Variants in CABP7 observed in about 807,000 individuals in gnomAD.
The protein encoded by CABP7 is calcium binding protein 7.
CABP7 carries 13 observed loss-of-function variants against 23.1 expected under a neutral mutation model. That is an observed-to-expected ratio of 0.56 (90% CI 0.37 to 0.90). The LOEUF (loss-of-function observed/expected upper bound fraction) is 0.90. CABP7 is among the 40% of genes least tolerant of loss of function. The pLI, the probability that CABP7 is intolerant of heterozygous loss-of-function variation, is 0.01. For missense variants in CABP7, 248 were observed against 295.6 expected, an observed-to-expected ratio of 0.84 and a Z score of 1.18; for synonymous variants, 123 against 115.3, an observed-to-expected ratio of 1.07 and a Z score of -0.43.
chr22:29,729,268 C>A (rs181281994), intron 4 of CABP7, 60 bp downstream of exon 4: 2 of 1,551,486 alleles, frequency 1.3e-6, no homozygotes, highest in Admixed American at 3.6e-5. Context: ...GGGGGACGCA[C>A]GGGGTGGGGA....
chr22:29,727,409 G>A lies in CABP7; in HGVS notation c.110-253G>A, dbSNP rs2067803631. ...ACACCAGGAGAGGCTGTGAGAGCCT[G>A]GCGCAATCAGATCCCAAGAGGTCAC... is the stretch of plus-strand genomic sequence containing the variant. On this transcript the variant is annotated intron_variant, in intron 1 of 4. Coordinates refer to ENST00000216144, the MANE Select transcript of CABP7 (RefSeq NM_182527.3). This position sits in a 1 kb window ranked among gnomAD's most constrained non-coding sequence, Gnocchi z 4.2. Among the ~76,000 whole-genome samples, 1 of 152,238 alleles carries A rather than the reference G, an allele frequency of 6.6e-6. No individual in the cohort carries two copies. Among genetic ancestry groups the A allele is most frequent in the African/African-American group, 2.4e-5 (1 of 41,456 alleles).
At position 29,720,342 on chromosome 22, in the gene CABP7, TC is replaced by T. The variant is rs2067750260; in HGVS notation, c.-81del. 3 of 689,280 alleles carry T rather than the reference TC, an allele frequency of 4.4e-6. No homozygotes were observed. The highest frequency in any genetic ancestry group is 4.6e-5 in the South Asian group (1 of 21,780). 42.7% of individuals were successfully genotyped at this position (689,280 alleles called of 1,614,324 possible). On this transcript the variant is annotated 5_prime_UTR_variant, in exon 1 of 5. Transcript: ENST00000216144. The surrounding 1 kb of genome is among the most constrained non-coding windows in gnomAD (Gnocchi z 5.2). ...CTCCGCAGCCGCGCGCCCCGCCCGC[TC>T]CAGCCGCCCCCGGGGCCGCCACCGG...
intron 1 of CABP7, among the ~76,000 whole-genome samples, chr22:29,724,035 A>C (rs538287316): frequency 2.0e-5 from 3 of 152,342 alleles, no homozygotes; most frequent in African/African-American, 7.2e-5. Flanking sequence ...TCCTCATGCC[A>C]AGATGGTACC....
At chr22:29,729,386 T>G in intron 4 of CABP7, 56 bp from the exon 5 acceptor site, 2 of 1,596,800 alleles carry the variant, frequency 1.3e-6, no homozygotes, top group African/African-American at 2.7e-5. Context: ...GGCTCCTGAC[T>G]CCATCGCTTT....
intron 2 of CABP7, 137 bp from the exon 3 acceptor site, chr22:29,728,493 G>A (rs1165347125): frequency 1.7e-6 from 1 of 595,180 alleles, no homozygotes; most frequent in Non-Finnish European, 3.0e-6. Context: ...CTGACTCAAG[G>A]CTCAGAGAAG....
At chr22:29,725,908 C>A (rs1379137174) in intron 1 of CABP7, among the ~76,000 whole-genome samples, 3 of 152,142 alleles carry the variant, frequency 2.0e-5, no homozygotes, top group Admixed American at 2.0e-4. Flanking sequence ...CCAGCTCTAC[C>A]TAGAGGCTCT....
intron 3 of CABP7, 68 bp downstream of exon 3, chr22:29,728,810 G>A (rs2067814622): frequency 1.6e-6 from 2 of 1,233,498 alleles, no homozygotes; most frequent in African/African-American, 1.5e-5. Flanking sequence ...GCCAGTGAAT[G>A]GCTGGGCCCA....
chr22:29,730,194 A>T lies in CABP7; in HGVS notation c.*625A>T, dbSNP rs2067829207. ...TGTACCTGCTGGGCCAGCCCATTTC[A>T]CAGGTGAGGAACCCGAGGCTCAGGG... On this transcript the variant is annotated 3_prime_UTR_variant, in exon 5 of 5. Coordinates refer to ENST00000216144, the MANE Select transcript of CABP7 (RefSeq NM_182527.3). 1 of 152,574 alleles carries T rather than the reference A, an allele frequency of 6.6e-6. No homozygotes were observed. Among genetic ancestry groups the T allele is most frequent in the African/African-American group, 2.4e-5 (1 of 41,342 alleles). The allele number at this position is 152,574 out of a possible 1,614,324, so 9.5% of individuals were successfully genotyped here. A position where few individuals can be genotyped will look rare whatever the true frequency, so the allele number is the denominator to read the frequency against.
At chr22:29,728,444 G>A (rs1052796705) in intron 2 of CABP7, among the ~76,000 whole-genome samples, 186 bp from the exon 3 acceptor site, 13 of 152,180 alleles carry the variant, frequency 8.5e-5, no homozygotes, top group South Asian at 2.1e-4. Context: ...TGGCTTCAGC[G>A]TCAGCCCAGA....
At chr22:29,725,538 C>G (rs1362294047) in intron 1 of CABP7, among the ~76,000 whole-genome samples, 1 of 152,176 alleles carries the variant, frequency 6.6e-6, no homozygotes, top group Admixed American at 6.5e-5. Flanking sequence ...GCTGTCATGG[C>G]CCTTGTAGTG....
Position 29,727,610 on chromosome 22 carries a change from G to A in CABP7, c.110-52G>A. The A allele has an allele frequency of 1.2e-6, 2 of 1,608,560 alleles. No individual in the cohort carries two copies. The highest frequency in any genetic ancestry group is 1.7e-6 in the Non-Finnish European group (2 of 1,176,650). ...CGGTGATCCTGGGGGTCTGGAAAGGGGGTCTGTTGGGGACCGGGGTGAAGT... is the reference window on the plus strand; with the variant it reads ...CGGTGATCCTGGGGGTCTGGAAAGGAGGTCTGTTGGGGACCGGGGTGAAGT... On this transcript the variant is annotated intron_variant, in intron 1 of 4. Transcript: ENST00000216144. This position sits in a 1 kb window ranked among gnomAD's most constrained non-coding sequence, Gnocchi z 4.2.
In CABP7 at chr22:29,720,405, G is replaced by A. The variant is rs1006856463; in HGVS notation, c.-20G>A. On this transcript the variant is annotated 5_prime_UTR_variant, in exon 1 of 5. Coordinates refer to ENST00000216144, the MANE Select transcript of CABP7 (RefSeq NM_182527.3). This position sits in a 1 kb window ranked among gnomAD's most constrained non-coding sequence, Gnocchi z 5.2. ...CGGCCTCAAAGTTTGCGGCGGGCGG[G>A]CGGGCGCGGAGCCTCCAAGATGCCG... 2.7e-6 allele frequency: 4 copies of A among 1,462,836 alleles called. No individual in the cohort carries two copies. The highest frequency in any genetic ancestry group is 3.6e-6 in the Non-Finnish European group (4 of 1,101,264). 90.6% of individuals were successfully genotyped at this position (1,462,836 alleles called of 1,614,324 possible).
Position 29,727,881 on chromosome 22 carries a change from T to G in CABP7, c.253+76T>G. ...GTGGGGCAGGGGCTGGGGCCTGAGC[T>G]GCTGAGGCTGCATCCAAATTGGGTC... On this transcript the variant is annotated intron_variant, in intron 2 of 4. Transcript: ENST00000216144. This position sits in a 1 kb window ranked among gnomAD's most constrained non-coding sequence, Gnocchi z 4.2. The G allele has an allele frequency of 6.7e-7, 1 of 1,489,022 alleles. No individual in the cohort carries two copies. Among genetic ancestry groups the G allele is most frequent in the Non-Finnish European group, 9.0e-7 (1 of 1,108,456 alleles). 92.2% of individuals were successfully genotyped at this position (1,489,022 alleles called of 1,614,324 possible). A position where few individuals can be genotyped will look rare whatever the true frequency, so the allele number is the denominator to read the frequency against.
At chr22:29,725,566 C>T (rs1424823685) in intron 1 of CABP7, among the ~76,000 whole-genome samples, 1 of 152,186 alleles carries the variant, frequency 6.6e-6, no homozygotes. Context: ...CAGCGTGGCC[C>T]ATGCAAGGAT....
chr22:29,731,258 C>T lies in CABP7; in HGVS notation c.*1689C>T, dbSNP rs2067839461. 1 of 1,514,512 alleles carries T rather than the reference C, an allele frequency of 6.6e-7. No individual in the cohort carries two copies. Among genetic ancestry groups the T allele is most frequent in the East Asian group, 2.7e-5 (1 of 37,690 alleles). 93.8% of individuals were successfully genotyped at this position (1,514,512 alleles called of 1,614,324 possible). On this transcript the variant is annotated 3_prime_UTR_variant, in exon 5 of 5. Transcript: ENST00000216144. ...ACTGGACTCTGGGCTGCAGAGGCCA[C>T]CCCCCAGGTGGGGGTGCCCGCAGGG...
chr22:29,722,975 C>T (rs997100651), intron 1 of CABP7, among the ~76,000 whole-genome samples: 12 of 152,270 alleles, frequency 7.9e-5, no homozygotes, highest in Non-Finnish European at 1.3e-4. Context: ...GTTTGAGTCT[C>T]TGCACCTTCA....
chr22:29,725,135 C>T (rs2067786241), intron 1 of CABP7, among the ~76,000 whole-genome samples: 2 of 152,112 alleles, frequency 1.3e-5, no homozygotes, highest in African/African-American at 4.8e-5. Flanking sequence ...GGTCCTCCTT[C>T]CCCACACCAC....
In CABP7 at chr22:29,720,342, T is replaced by G; in HGVS notation, c.-83T>G. On this transcript the variant is annotated 5_prime_UTR_variant, in exon 1 of 5. Coordinates refer to ENST00000216144, the MANE Select transcript of CABP7 (RefSeq NM_182527.3). This position sits in a 1 kb window ranked among gnomAD's most constrained non-coding sequence, Gnocchi z 5.2. The stretch of plus-strand genomic sequence containing the variant: ...CTCCGCAGCCGCGCGCCCCGCCCGC[T>G]CCAGCCGCCCCCGGGGCCGCCACCG... The G allele has an allele frequency of 2.9e-6, 2 of 689,280 alleles. No individual in the cohort carries two copies. Among genetic ancestry groups the G allele is most frequent in the African/African-American group, 2.0e-5 (1 of 49,538 alleles). The allele number at this position is 689,280 out of a possible 1,614,324, so 42.7% of individuals were successfully genotyped here.
intron 1 of CABP7, among the ~76,000 whole-genome samples, chr22:29,722,075 T>A (rs1397398073): frequency 6.6e-6 from 1 of 151,750 alleles, no homozygotes. Flanking sequence ...CCCTCATCCA[T>A]CCCCTCCTCC....
Sources: allele counts gnomAD v4.1 joint callset (sites outside exome capture counted in the v4.1 genomes callset), GRCh38; gene constraint gnomAD v4.1.1; non-coding constraint Gnocchi (gnomAD v3.1); transcripts MANE v1.5; gene names NCBI Gene and HGNC (gene_info 2026-07-23, HGNC 2026-07-21).